TMOD1: variants seen among roughly 807,000 people sequenced by gnomAD.
The protein encoded by TMOD1 is tropomodulin 1.
TMOD1 carries 17 observed loss-of-function variants against 40.6 expected under a neutral mutation model. That is an observed-to-expected ratio of 0.42 (90% CI 0.29 to 0.63). TMOD1 has a LOEUF of 0.63. Among genes scored for constraint, TMOD1 ranks in the 20% least tolerant of loss-of-function variants. The pLI is 0.22. For missense variants in TMOD1, 391 were observed against 447.6 expected (o/e 0.87, Z 1.14); for synonymous variants, 181 against 175.0 (o/e 1.03, Z -0.27).
chr9:97,574,780 T>C (rs532014684), intron 8 of TMOD1, among the ~76,000 whole-genome samples: 1 of 152,282 alleles, frequency 6.6e-6, no homozygotes, highest in South Asian at 2.1e-4. Context: ...AATGCACCAA[T>C]TGACACCTGT....
chr9:97,529,113 T>C (rs900720171), intron 2 of TMOD1, among the ~76,000 whole-genome samples: 1 of 152,148 alleles, frequency 6.6e-6, no homozygotes, highest in South Asian at 2.1e-4. Flanking sequence ...CAAGGCCTCA[T>C]GGGAGTGTTC....
At chr9:97,519,314 AATTCT>A (rs1187301671) in intron 1 of TMOD1, among the ~76,000 whole-genome samples, 1 of 152,198 alleles carries the variant, frequency 6.6e-6, no homozygotes, top group African/African-American at 2.4e-5. Context: ...ACAGCTTGTA[AATTCT>A]ATTTTTTCAT....
intron 1 of TMOD1, among the ~76,000 whole-genome samples, chr9:97,518,413 G>A (rs1415349505): frequency 6.6e-6 from 1 of 152,250 alleles, no homozygotes; most frequent in Admixed American, 6.5e-5. Context: ...CTCCAGAACT[G>A]AGAGCCAACA....
chr9:97,546,672 C>T (rs1024583160), intron 3 of TMOD1, among the ~76,000 whole-genome samples: 5 of 152,032 alleles, frequency 3.3e-5, no homozygotes, highest in Non-Finnish European at 7.4e-5. Context: ...CTGTTAATAA[C>T]GACATCAGGA....
At chr9:97,508,936 A>AAACCTATAT (rs1485577220) in intron 1 of TMOD1, among the ~76,000 whole-genome samples, 9 of 152,250 alleles carry the variant, frequency 5.9e-5, no homozygotes, top group Non-Finnish European at 8.8e-5. Flanking sequence ...GGCTTAAAAT[A>AAACCTATAT]AACCTATATA....
intron 4 of TMOD1, chr9:97,555,515 G>C: frequency 6.9e-7 from 1 of 1,450,938 alleles, no homozygotes; most frequent in Non-Finnish European, 9.0e-7. Context: ...TTGTTGGCGT[G>C]GCTATTTATT....
At chr9:97,526,157 G>A (rs1830011567) in intron 2 of TMOD1, among the ~76,000 whole-genome samples, 2 of 152,220 alleles carry the variant, frequency 1.3e-5, no homozygotes, top group Non-Finnish European at 2.9e-5. Context: ...CCGTTATATC[G>A]AGCCAGCAGC....
intron 2 of TMOD1, among the ~76,000 whole-genome samples, chr9:97,531,037 A>ACCCC (rs1285892432): frequency 3.2e-5 from 3 of 92,324 alleles, no homozygotes; most frequent in Non-Finnish European, 4.1e-5. Flanking sequence ...ATCCACACCC[A>ACCCC]CCCCCCCCAC....
chr9:97,505,638 C>T (rs138781118), intron 1 of TMOD1, among the ~76,000 whole-genome samples: 27 of 152,214 alleles, frequency 1.8e-4, no homozygotes, highest in Non-Finnish European at 2.6e-4. Context: ...TTCACTCCCA[C>T]GACTCCAGTC....
chr9:97,571,388 C>T (rs1242248082), intron 8 of TMOD1, among the ~76,000 whole-genome samples: 1 of 152,224 alleles, frequency 6.6e-6, no homozygotes, highest in Non-Finnish European at 1.5e-5. Context: ...CCCTGAGCCT[C>T]CGTTTCCTGG....
chr9:97,599,228 G>A (rs1410471876), intron 9 of TMOD1, among the ~76,000 whole-genome samples: 1 of 152,182 alleles, frequency 6.6e-6, no homozygotes, highest in East Asian at 1.9e-4. Flanking sequence ...GGTAGGCCAG[G>A]AGCTCCCAGA....
chr9:97,551,015 T>TATATATATATATA (rs1491279262), intron 3 of TMOD1, among the ~76,000 whole-genome samples: 1 of 5,142 alleles, frequency 1.9e-4, no homozygotes, highest in Admixed American at 1.4e-3. Flanking sequence ...TATATATATA[T>TATATATATATATA]TTTTTTTTTT....
chr9:97,595,435 T>C (rs1419635299), intron 9 of TMOD1, among the ~76,000 whole-genome samples: 1 of 152,186 alleles, frequency 6.6e-6, no homozygotes, highest in Non-Finnish European at 1.5e-5. Context: ...GTCAATTGTT[T>C]TAGATTCCAC....
At chr9:97,521,421 A>T (rs1315132994) in intron 1 of TMOD1, among the ~76,000 whole-genome samples, 2 of 152,110 alleles carry the variant, frequency 1.3e-5, no homozygotes, top group African/African-American at 4.8e-5. Flanking sequence ...GCAGTTCTGG[A>T]CATCTCTGTG....
chr9:97,538,714 A>T (rs186099147), intron 2 of TMOD1, among the ~76,000 whole-genome samples: 7 of 152,126 alleles, frequency 4.6e-5, no homozygotes, highest in Admixed American at 3.3e-4. Flanking sequence ...ATTTTTCTCT[A>T]GGCCAGGTGC....
chr9:97,588,675 C>G (rs913103325), intron 8 of TMOD1, among the ~76,000 whole-genome samples: 1 of 152,092 alleles, frequency 6.6e-6, no homozygotes. Context: ...ATTAAGTCTT[C>G]TGATCCATGA....
At chr9:97,535,148 G>A (rs1386803956) in intron 2 of TMOD1, among the ~76,000 whole-genome samples, 1 of 152,182 alleles carries the variant, frequency 6.6e-6, no homozygotes. Context: ...CAGGGAAGTT[G>A]GTGAGCATCT....
chr9:97,527,025 A>G (rs898960041), intron 2 of TMOD1, among the ~76,000 whole-genome samples: 1 of 152,114 alleles, frequency 6.6e-6, no homozygotes, highest in African/African-American at 2.4e-5. Context: ...CCAGGAGAAG[A>G]TGGTTTCCTG....
chr9:97,550,120 A>G (rs1332488466), intron 3 of TMOD1, among the ~76,000 whole-genome samples: 1 of 152,192 alleles, frequency 6.6e-6, no homozygotes, highest in Non-Finnish European at 1.5e-5. Flanking sequence ...TATACTTTCT[A>G]CAAATGAAAT....
Sources: gnomAD v4.1 joint callset for allele counts (sites outside exome capture counted in the v4.1 genomes callset) on GRCh38, gnomAD v4.1.1 for gene constraint, MANE v1.5 for transcripts, NCBI Gene and HGNC (gene_info 2026-07-23, HGNC 2026-07-21) for gene names.